Variants in ALOXE3 observed in about 807,000 individuals in gnomAD.
The protein encoded by ALOXE3 is hydroperoxide isomerase ALOXE3.
In ALOXE3, 78 loss-of-function variants were observed where a neutral mutation model predicts 87.5. The ratio of observed to expected loss-of-function variants is 0.89; its 90% CI spans 0.74 to 1.08. The LOEUF (loss-of-function observed/expected upper bound fraction) is 1.08. ALOXE3 is among the 50% of genes least tolerant of loss of function. ALOXE3 has a pLI of 0.00. For missense variants in ALOXE3, 946 were observed against 912.4 expected (o/e 1.04, Z -0.47); for synonymous variants, 363 against 370.8 (o/e 0.98, Z 0.24).
At chr17:8,104,967 G>T (rs1374643990) in intron 13 of ALOXE3, among the ~76,000 whole-genome samples, 1 of 152,064 alleles carries the variant, frequency 6.6e-6, no homozygotes, top group Non-Finnish European at 1.5e-5. Flanking sequence ...CCCTTCTCTG[G>T]CTGTGCCTGG....
intron 1 of ALOXE3, 60 bp downstream of exon 1, chr17:8,118,426 C>G (rs2151849190): frequency 6.4e-7 from 1 of 1,550,794 alleles, no homozygotes; most frequent in East Asian, 2.4e-5. Context: ...TCCGCCCACT[C>G]CCCAATGTCC....
intron 15 of ALOXE3, among the ~76,000 whole-genome samples, chr17:8,101,793 A>G (rs923254969): frequency 6.6e-6 from 1 of 151,982 alleles, no homozygotes; most frequent in East Asian, 1.9e-4. Flanking sequence ...GCACACACTA[A>G]TACGCCCGAT....
At chr17:8,118,868 A>C (rs780973941), upstream of ALOXE3, 57 of 1,521,656 alleles carry the variant, frequency 3.7e-5, no homozygotes, top group East Asian at 9.8e-5. Flanking sequence ...CTGGGGAGGA[A>C]CCTCTCAGAG....
chr17:8,110,162 G>A lies in ALOXE3; in HGVS notation c.1235C>T (p.Thr412Met). ...GGCGAAGGCCTCGCACAGCAAATGC[G>A]TGCACAGAAAGTGCGTGTTGTTTTC... ...VHENNTHFLC[T>M]HLLCEAFAMA... is the part of the protein sequence containing the mutation. The change falls in exon 10 of 16, where the codon ACG becomes ATG. Residue 412 changes from threonine (T) to methionine (M), a missense_variant. Coordinates refer to ENST00000448843, the MANE Select transcript of ALOXE3 (RefSeq NM_021628.3). The A allele has an allele frequency of 6.2e-7, 1 of 1,614,058 alleles. No individual in the cohort carries two copies. The highest frequency in any genetic ancestry group is 1.7e-5 in the Admixed American group (1 of 60,024).
intron 5 of ALOXE3, 68 bp from the exon 6 acceptor site, chr17:8,114,677 T>C: frequency 6.2e-7 from 1 of 1,603,220 alleles, no homozygotes; most frequent in Non-Finnish European, 8.5e-7. Context: ...GCTCAACTCC[T>C]TCCCTCTTTC....
intron 13 of ALOXE3, among the ~76,000 whole-genome samples, chr17:8,108,067 G>GAAA (rs1429262328): frequency 1.7e-4 from 10 of 58,232 alleles, no homozygotes; most frequent in African/African-American, 5.2e-4. Flanking sequence ...AAGAAAGAAA[G>GAAA]GAAGAGAGGT....
At chr17:8,097,353 A>C (rs1978608355) in intron 15 of ALOXE3, among the ~76,000 whole-genome samples, 1 of 152,178 alleles carries the variant, frequency 6.6e-6, no homozygotes, top group Non-Finnish European at 1.5e-5. Context: ...TAAAAGAACG[A>C]ACCACACCTT....
rs772608978 is a variant in ALOXE3, at chr17:8,109,181, T to C, written c.1555A>G (p.Ile519Val). Residue 519 changes from isoleucine (I) to valine (V), a missense_variant, in exon 12 of 16, where the codon ATT (isoleucine) becomes GTT (valine). Physicochemically the swap from Ile to Val is conservative, Grantham distance 29 (BLOSUM62 3). Coordinates refer to ENST00000448843, the MANE Select transcript of ALOXE3 (RefSeq NM_021628.3). ...RDDGLKIWAAIESFVSEIVGY... is the reference protein window; with the variant it reads ...RDDGLKIWAAVESFVSEIVGY... ...CCGCCCCGCACCTCGCACCTCTCAA[T>C]GGCCGCCCAGATCTTCAGGCCGTCG... The C allele has an allele frequency of 2.5e-5, 41 of 1,613,402 alleles. No individual in the cohort carries two copies. In the South Asian group the frequency reaches 4.1e-4, roughly 16 times the overall value.
intron 15 of ALOXE3, among the ~76,000 whole-genome samples, chr17:8,099,971 TGAGA>T (rs1978821737): frequency 6.6e-6 from 1 of 150,982 alleles, no homozygotes; most frequent in African/African-American, 2.4e-5. Context: ...GAGGCTGGGG[TGAGA>T]GAATTTCTTG....
intron 6 of ALOXE3, among the ~76,000 whole-genome samples, chr17:8,114,275 G>T (rs1036598830): frequency 8.0e-5 from 11 of 137,960 alleles, no homozygotes; most frequent in Non-Finnish European, 1.4e-4. Context: ...GAACTGGGGA[G>T]CACAAGGGGG....
intron 13 of ALOXE3, among the ~76,000 whole-genome samples, chr17:8,104,933 C>T (rs1416330789): frequency 1.3e-5 from 2 of 152,146 alleles, no homozygotes; most frequent in African/African-American, 4.8e-5. Context: ...TAACCACCTC[C>T]CACTTGCCAA....
At position 8,110,438 on chromosome 17, in the gene ALOXE3, G is replaced by T; in HGVS notation, c.1048C>A (p.Leu350Met). The T allele has an allele frequency of 6.2e-7, 1 of 1,613,098 alleles. No homozygotes were observed. Among genetic ancestry groups the T allele is most frequent in the Non-Finnish European group, 8.5e-7 (1 of 1,179,518 alleles). Reference sequence around the variant, plus strand: ...TGGGGGCTGAGCCACAGCAGGCACAGTGGGGCGGCCACGTACTGCTGGCGG... The same window carrying T: ...TGGGGGCTGAGCCACAGCAGGCACATTGGGGCGGCCACGTACTGCTGGCGG... Reference protein sequence around the residue: ...NGRQQYVAAPLCLLWLSPQGA... With the variant: ...NGRQQYVAAPMCLLWLSPQGA... Residue 350 changes from leucine (L) to methionine (M), a missense_variant, in exon 9 of 16, where the codon CTG becomes ATG. Leu to Met is a conservative substitution (Grantham distance 15, BLOSUM62 2). Coordinates refer to ENST00000448843, the MANE Select transcript of ALOXE3 (RefSeq NM_021628.3).
chr17:8,101,996 A>G (rs1392083963), intron 15 of ALOXE3, among the ~76,000 whole-genome samples: 1 of 152,138 alleles, frequency 6.6e-6, no homozygotes, highest in Non-Finnish European at 1.5e-5. Context: ...AAGAATATTC[A>G]CCTGTTAGAG....
At chr17:8,115,115 A>G (rs1359023682) in intron 4 of ALOXE3, 58 bp from the exon 5 acceptor site, 3 of 1,604,540 alleles carry the variant, frequency 1.9e-6, no homozygotes, top group Non-Finnish European at 2.6e-6. Context: ...CACAAGTCTT[A>G]GCTTTAAAGA....
Position 8,104,120 on chromosome 17 carries a change from C to G in ALOXE3, c.1780G>C (p.Gly594Arg). ...CSAQHAAVNS[G>R]QHDFGAWMPN... ...CCTGCCCTTTGTAGCCTCACCTGCC[C>G]ACTGTTGACAGCAGCGTGCTGGGCA... The change falls in exon 14 of 16, where the codon GGG (glycine) becomes CGG (arginine). Residue 594 changes from glycine to arginine, a missense_variant. Gly to Arg is a moderately radical substitution (Grantham distance 125). Coordinates refer to ENST00000448843, the MANE Select transcript of ALOXE3 (RefSeq NM_021628.3). 6.2e-7 allele frequency: 1 copy of G among 1,613,524 alleles called. No individual in the cohort carries two copies. The highest frequency in any genetic ancestry group is 8.5e-7 in the Non-Finnish European group (1 of 1,179,818).
In ALOXE3 at chr17:8,107,936, A is replaced by G. The variant is rs1439282421; in HGVS notation, c.1684+532T>C. ...AAGAAAGAAAGAAAGAAAGAAAGAA[A>G]GAAAGAAAGAAAGAAAGAAAGAAAG... On this transcript the variant is annotated intron_variant, in intron 13 of 15. Transcript: ENST00000448843. 5.6e-4 allele frequency among the ~76,000 whole-genome samples: 3 copies of G among 5,346 alleles called. 1 individual carries two copies. In the South Asian group the frequency reaches 0.01, roughly 19 times the overall value. The allele number at this position is 5,346 out of a possible 152,430, so 3.5% of individuals were successfully genotyped here.
At chr17:8,117,007 T>C in intron 2 of ALOXE3, 27 bp from the exon 3 acceptor site, 2 of 1,607,244 alleles carry the variant, frequency 1.2e-6, no homozygotes, top group Non-Finnish European at 8.5e-7. Flanking sequence ...AGCAAGCAGG[T>C]GAGAGGCGGG....
At chr17:8,106,841 A>G (rs1979350849) in intron 13 of ALOXE3, among the ~76,000 whole-genome samples, 1 of 152,228 alleles carries the variant, frequency 6.6e-6, no homozygotes, top group Non-Finnish European at 1.5e-5. Flanking sequence ...GCTGTTGTCA[A>G]TCTGCAGAAT....
intron 15 of ALOXE3, among the ~76,000 whole-genome samples, chr17:8,098,281 C>G (rs1598192561): frequency 1.5e-5 from 2 of 133,872 alleles, no homozygotes; most frequent in East Asian, 5.2e-4. Context: ...CTCTGTCACC[C>G]AGGCTGGAGT....
Sources: allele counts gnomAD v4.1 joint callset (sites outside exome capture counted in the v4.1 genomes callset), GRCh38; gene constraint gnomAD v4.1.1; transcripts MANE v1.5; gene names NCBI Gene and HGNC (gene_info 2026-07-23, HGNC 2026-07-21).